CAST: variants seen among roughly 807,000 people sequenced by gnomAD.
The protein encoded by CAST is MIR583 host.
Under a neutral mutation model 119.6 loss-of-function variants are expected in CAST, and 76 were observed. The observed-to-expected ratio is 0.64, with a 90% CI of 0.53 to 0.77. The LOEUF is 0.77. Ranked by LOEUF, CAST falls within the 30% of genes least tolerant of loss-of-function variation. The pLI is 0.00. For synonymous variants in CAST, 319 were observed against 331.6 expected, an observed-to-expected ratio of 0.96 and a Z score of 0.41; for missense variants, 953 against 946.5, an observed-to-expected ratio of 1.01 and a Z score of -0.09.
chr5:96,258,617 G>A, the CAST span, among the ~76,000 whole-genome samples: 1 of 152,098 alleles, frequency 6.6e-6, no homozygotes, highest in African/African-American at 2.4e-5. Flanking sequence ...TCTGGTACAT[G>A]ACACATTAAA....
chr5:96,354,838 T>TTTTA, the CAST span, among the ~76,000 whole-genome samples: 7,122 of 150,888 alleles, frequency 0.047, 517 homozygotes, highest in African/African-American at 0.16. Flanking sequence ...TCTAGTATGC[T>TTTTA]TTTATTTATT....
At chr5:96,047,207 A>G in the CAST span, among the ~76,000 whole-genome samples, 1 of 152,248 alleles carries the variant, frequency 6.6e-6, no homozygotes, top group Non-Finnish European at 1.5e-5. Context: ...CTCACAGATA[A>G]GCCTCAAGAA....
At position 96,535,255 on chromosome 5, in the gene CAST, G is replaced by A. The variant is rs78376880; in HGVS notation, c.60+5375G>A. ...GATGTAATAAGAATATGACAGTGTTGGCATTTTGCTAAATATTGTAAGGAA... is the reference window on the plus strand; with the variant it reads ...GATGTAATAAGAATATGACAGTGTTAGCATTTTGCTAAATATTGTAAGGAA... On this transcript the variant is annotated intron_variant, in intron 1 of 11. Coordinates refer to the CAST transcript ENST00000505143. Among the ~76,000 whole-genome samples, 1,410 of 152,260 alleles carry A rather than the reference G, an allele frequency of 9.3e-3. 11 individuals carry two copies. The highest frequency in any genetic ancestry group is 0.015 in the Non-Finnish European group (996 of 68,018).
intron 1 of CAST, among the ~76,000 whole-genome samples, chr5:96,584,059 G>T (rs1746810248): frequency 1.3e-5 from 2 of 152,068 alleles, no homozygotes; most frequent in Admixed American, 6.5e-5. Context: ...TGATCCCTAG[G>T]TCAGTAGTCG....
intron 1 of CAST, among the ~76,000 whole-genome samples, chr5:96,626,447 C>T (rs1471261030): frequency 6.6e-6 from 1 of 152,180 alleles, no homozygotes; most frequent in African/African-American, 2.4e-5. Context: ...GCTCCACCCT[C>T]CATCCTCATT....
the CAST span, among the ~76,000 whole-genome samples, chr5:96,354,426 G>C: frequency 6.6e-6 from 1 of 152,070 alleles, no homozygotes; most frequent in Non-Finnish European, 1.5e-5. Flanking sequence ...TCCTTCAACT[G>C]ATTGGTATTG....
chr5:96,657,862 CGAG>C (rs540906331), upstream of CAST, among the ~76,000 whole-genome samples: 4 of 152,184 alleles, frequency 2.6e-5, no homozygotes, highest in South Asian at 8.3e-4. Context: ...TTTGGGAGGC[CGAG>C]GCGAGTGGAT....
the CAST span, among the ~76,000 whole-genome samples, chr5:96,499,458 A>G: frequency 2.0e-5 from 3 of 152,240 alleles, no homozygotes; most frequent in Non-Finnish European, 2.9e-5. Flanking sequence ...TGCTAAAAAG[A>G]TGCTAACAAT....
At chr5:96,375,740 C>G in the CAST span, among the ~76,000 whole-genome samples, 1 of 151,484 alleles carries the variant, frequency 6.6e-6, no homozygotes, top group Non-Finnish European at 1.5e-5. Context: ...GCCTTATAAG[C>G]AAAAACTGAA....
the CAST span, among the ~76,000 whole-genome samples, chr5:96,221,409 A>C: frequency 6.6e-6 from 1 of 152,214 alleles, no homozygotes; most frequent in Non-Finnish European, 1.5e-5. Flanking sequence ...AATTCAGTAA[A>C]GTTGCAGGAT....
the CAST span, among the ~76,000 whole-genome samples, chr5:96,423,988 A>G: frequency 1.4e-4 from 21 of 152,164 alleles, no homozygotes; most frequent in Admixed American, 6.5e-5. Context: ...GCCTATTTTT[A>G]AGTATGAGTG....
the CAST span, among the ~76,000 whole-genome samples, chr5:96,199,572 G>A: frequency 6.6e-6 from 1 of 151,714 alleles, no homozygotes; most frequent in Non-Finnish European, 1.5e-5. Context: ...AATACATAAT[G>A]AATTTTGTTC....
chr5:96,067,265 A>T, the CAST span, among the ~76,000 whole-genome samples: 6 of 152,184 alleles, frequency 3.9e-5, no homozygotes, highest in Non-Finnish European at 8.8e-5. Flanking sequence ...TTTTCCTTTT[A>T]CAATTTAATC....
the CAST span, among the ~76,000 whole-genome samples, chr5:96,005,237 G>A: frequency 1.3e-5 from 2 of 152,258 alleles, no homozygotes; most frequent in African/African-American, 4.8e-5. Flanking sequence ...GATAGATAGG[G>A]GATGAAACAG....
chr5:96,286,915 G>T, the CAST span, among the ~76,000 whole-genome samples: 2 of 152,130 alleles, frequency 1.3e-5, no homozygotes, highest in Admixed American at 1.3e-4. Flanking sequence ...ATTCAATTAG[G>T]TGTTTAAATA....
the CAST span, among the ~76,000 whole-genome samples, chr5:96,285,118 C>T: frequency 6.6e-6 from 1 of 152,040 alleles, no homozygotes; most frequent in South Asian, 2.1e-4. Flanking sequence ...TAGTATTTAT[C>T]CATGTAGCTA....
the CAST span, among the ~76,000 whole-genome samples, chr5:96,455,620 G>A: frequency 6.6e-6 from 1 of 152,268 alleles, no homozygotes; most frequent in Non-Finnish European, 1.5e-5. Flanking sequence ...CTCCTCTCAT[G>A]AGCATGTCAA....
At chr5:96,014,725 C>G in the CAST span, among the ~76,000 whole-genome samples, 1 of 152,138 alleles carries the variant, frequency 6.6e-6, no homozygotes, top group South Asian at 2.1e-4. Context: ...GTAGGATAAA[C>G]TCCAGTGGGG....
At chr5:96,326,284 C>G in the CAST span, among the ~76,000 whole-genome samples, 2 of 152,188 alleles carry the variant, frequency 1.3e-5, no homozygotes, top group African/African-American at 4.8e-5. Flanking sequence ...CATATCATCT[C>G]ACGTTGAATG....
Sources: gnomAD v4.1 joint callset for allele counts (sites outside exome capture counted in the v4.1 genomes callset) on GRCh38, gnomAD v4.1.1 for gene constraint, MANE v1.5 for transcripts, NCBI Gene and HGNC (gene_info 2026-07-23, HGNC 2026-07-21) for gene names.